The following ERBB4 variants were observed in gnomAD, a reference collection of about 807,000 sequenced individuals.
ERBB4 encodes the protein erb-b2 receptor tyrosine kinase 4.
In ERBB4, 42 loss-of-function variants were observed where a neutral mutation model predicts 158.0. The ratio of observed to expected loss-of-function variants is 0.27; its 90% CI spans 0.21 to 0.34. The LOEUF (loss-of-function observed/expected upper bound fraction) is 0.34, where lower values mean the gene tolerates loss of function less well. ERBB4 is among the 10% of genes least tolerant of loss of function. ERBB4 has a pLI of 1.00. For missense variants in ERBB4, 1,333 were observed against 1,624.1 expected (o/e 0.82, Z 3.08); for synonymous variants, 583 against 558.7 (o/e 1.04, Z -0.61).
chr2:211,496,390 A>G (rs763706602), intron 20 of ERBB4, among the ~76,000 whole-genome samples: 2 of 151,888 alleles, frequency 1.3e-5, no homozygotes, highest in Non-Finnish European at 2.9e-5. Context: ...GCTCCTAATA[A>G]TCTCTGCCAA....
At chr2:211,648,046 A>G (rs755439820) in intron 16 of ERBB4, among the ~76,000 whole-genome samples, 1 of 151,854 alleles carries the variant, frequency 6.6e-6, no homozygotes, top group Non-Finnish European at 1.5e-5. Context: ...AATGTAATGA[A>G]TTTAAATATG....
At chr2:211,703,952 G>C in intron 11 of ERBB4, 152 bp downstream of exon 11, 1 of 685,512 alleles carries the variant, frequency 1.5e-6, no homozygotes, top group Non-Finnish European at 2.7e-6. Context: ...ATCATCGGAG[G>C]TATTTTTATT....
chr2:212,126,016 A>G lies in ERBB4; in HGVS notation c.83-1113T>C, dbSNP rs369360434. Among the ~76,000 whole-genome samples, 13 of 152,350 alleles carry G rather than the reference A, an allele frequency of 8.5e-5. No individual in the cohort carries two copies. The East Asian group carries it at 1.5e-3, about 18-fold the overall frequency. ...TTTGTAAACATATACTACAAACCAG[A>G]TATGTAAAAAATACAACTTTTATTG... On this transcript the variant is annotated intron_variant, in intron 1 of 27. Transcript: ENST00000342788.
At chr2:211,530,382 A>G (rs184416323) in intron 20 of ERBB4, among the ~76,000 whole-genome samples, 10 of 152,228 alleles carry the variant, frequency 6.6e-5, no homozygotes, top group Admixed American at 5.9e-4. Flanking sequence ...ATGTTCATGA[A>G]CCAGATATTC....
At chr2:211,786,003 A>T (rs2076154682) in intron 4 of ERBB4, among the ~76,000 whole-genome samples, 1 of 152,198 alleles carries the variant, frequency 6.6e-6, no homozygotes. Flanking sequence ...AAATATTAAA[A>T]ATTCAGAGTT....
Position 211,563,006 on chromosome 2 carries a change from T to C in ERBB4, c.2302-918A>G, listed in dbSNP as rs185952681. 3.1e-4 allele frequency among the ~76,000 whole-genome samples: 47 copies of C among 152,198 alleles called. No individual in the cohort carries two copies. The East Asian group carries it at 7.9e-3, about 26-fold the overall frequency. On this transcript the variant is annotated intron_variant, in intron 19 of 27. Coordinates refer to ENST00000342788, the MANE Select transcript of ERBB4 (RefSeq NM_005235.3). The stretch of plus-strand genomic sequence containing the variant: ...CGGGATGGTCTCTATCTCCTGACCT[T>C]GTGATCCGCCCGCCTCGGCCTCCCA...
intron 3 of ERBB4, among the ~76,000 whole-genome samples, chr2:211,800,753 C>G (rs2076482832): frequency 6.7e-6 from 1 of 150,264 alleles, no homozygotes; most frequent in African/African-American, 2.4e-5. Context: ...TTGCCTCTGT[C>G]AAAAGTAGAT....
intron 16 of ERBB4, among the ~76,000 whole-genome samples, chr2:211,634,228 C>A (rs1378505748): frequency 6.6e-6 from 1 of 151,970 alleles, no homozygotes; most frequent in African/African-American, 2.4e-5. Flanking sequence ...TGGCCTTGTT[C>A]TCTTTTTCTT....
chr2:211,895,315 T>C (rs532817574), intron 3 of ERBB4, among the ~76,000 whole-genome samples: 90 of 152,264 alleles, frequency 5.9e-4, no homozygotes, highest in Middle Eastern at 3.4e-3. Context: ...GGAGAGCCAG[T>C]GGTACAATCA....
intron 3 of ERBB4, among the ~76,000 whole-genome samples, chr2:211,888,948 G>A (rs994094697): frequency 1.3e-5 from 2 of 151,236 alleles, no homozygotes; most frequent in Non-Finnish European, 2.9e-5. Context: ...AGATCAAACT[G>A]CAAGGCAGCA....
intron 1 of ERBB4, among the ~76,000 whole-genome samples, chr2:212,530,564 G>C (rs1359209159): frequency 6.6e-6 from 1 of 152,086 alleles, no homozygotes; most frequent in Non-Finnish European, 1.5e-5. Context: ...ATAGAAGACT[G>C]TGCCACTTAT....
intron 3 of ERBB4, among the ~76,000 whole-genome samples, chr2:211,838,186 C>T (rs1001022772): frequency 6.6e-6 from 1 of 151,998 alleles, no homozygotes; most frequent in African/African-American, 2.4e-5. Context: ...TACAATGGCC[C>T]ACTTGAGTGA....
At chr2:212,434,277 T>C (rs1238078798) in intron 1 of ERBB4, among the ~76,000 whole-genome samples, 2 of 152,110 alleles carry the variant, frequency 1.3e-5, no homozygotes, top group South Asian at 2.1e-4. Context: ...TGATTTCATA[T>C]GACTGGACAC....
chr2:212,301,462 T>C (rs965237843), intron 1 of ERBB4, among the ~76,000 whole-genome samples: 1 of 151,448 alleles, frequency 6.6e-6, no homozygotes, highest in Non-Finnish European at 1.5e-5. Flanking sequence ...ATCTCACAAA[T>C]TTGTCTTAAT....
chr2:212,054,338 C>G (rs2077489056), intron 2 of ERBB4, among the ~76,000 whole-genome samples: 1 of 152,070 alleles, frequency 6.6e-6, no homozygotes, highest in African/African-American at 2.4e-5. Flanking sequence ...TTTGCTGGAA[C>G]AGATGTAGGC....
intron 1 of ERBB4, among the ~76,000 whole-genome samples, chr2:212,465,646 C>T (rs1225793000): frequency 6.6e-6 from 1 of 152,106 alleles, no homozygotes; most frequent in Non-Finnish European, 1.5e-5. Context: ...AGCTGTGACT[C>T]AAATCAGTAC....
At chr2:212,281,317 C>T (rs1232303247) in intron 1 of ERBB4, among the ~76,000 whole-genome samples, 1 of 151,582 alleles carries the variant, frequency 6.6e-6, no homozygotes, top group Non-Finnish European at 1.5e-5. Flanking sequence ...TGAGATGTTA[C>T]GGGAATTAGT....
chr2:212,054,008 G>A (rs1575571156), intron 2 of ERBB4, among the ~76,000 whole-genome samples: 1 of 152,232 alleles, frequency 6.6e-6, no homozygotes, highest in Non-Finnish European at 1.5e-5. Flanking sequence ...CAGAAGAGGG[G>A]AGAAAATCAG....
chr2:211,682,457 T>C (rs1341361080), intron 12 of ERBB4, among the ~76,000 whole-genome samples: 2 of 152,124 alleles, frequency 1.3e-5, no homozygotes, highest in South Asian at 2.1e-4. Context: ...GCTAACCTCA[T>C]TTAGAAACAT....
Sources: gnomAD v4.1 joint callset for allele counts (sites outside exome capture counted in the v4.1 genomes callset) on GRCh38, gnomAD v4.1.1 for gene constraint, MANE v1.5 for transcripts, NCBI Gene and HGNC (gene_info 2026-07-23, HGNC 2026-07-21) for gene names.